PHF14: variants seen among roughly 807,000 people sequenced by gnomAD.
The protein encoded by PHF14 is PHD finger protein 14.
PHF14 carries 55 observed loss-of-function variants against 117.9 expected under a neutral mutation model. The ratio of observed to expected loss-of-function variants is 0.47; its 90% CI spans 0.38 to 0.58. PHF14 has a LOEUF of 0.58. Ranked by LOEUF, PHF14 falls within the 20% of genes least tolerant of loss-of-function variation. The pLI is 0.00. For missense variants in PHF14, 978 were observed against 1,122.2 expected (o/e 0.87, Z 1.84); for synonymous variants, 409 against 368.6 (o/e 1.11, Z -1.26).
At position 11,103,021 on chromosome 7, in the gene PHF14, TTC is replaced by T. The variant is rs1445525641; in HGVS notation, c.2655-8327_2655-8326del. ...GACAATGCATTCCATTAGTCTGCTA[TTC>T]TGTTTCCTTCAACTTCATACATAGA... is the stretch of plus-strand genomic sequence containing the variant. On this transcript the variant is annotated intron_variant, in intron 16 of 17. Transcript: ENST00000634607. The T allele has an allele frequency of 4.0e-6, 4 of 990,774 alleles. No homozygotes were observed. The Admixed American group carries it at 2.2e-4, about 56-fold the overall frequency. The allele number at this position is 990,774 out of a possible 1,614,324, so 61.4% of individuals were successfully genotyped here.
intron 2 of PHF14, among the ~76,000 whole-genome samples, chr7:10,977,217 A>G (rs1185336228): frequency 6.6e-6 from 1 of 152,072 alleles, no homozygotes; most frequent in Non-Finnish European, 1.5e-5. Context: ...ACTTACGAAT[A>G]GGAGATTAAA....
chr7:10,985,638 G>GTT (rs61250143), intron 3 of PHF14, among the ~76,000 whole-genome samples: 1,159 of 45,986 alleles, frequency 0.025, 328 homozygotes, highest in East Asian at 0.064. Context: ...TTCTCAAACT[G>GTT]TTTTTTTTTT....
chr7:10,986,057 C>T (rs1299216688), intron 3 of PHF14, among the ~76,000 whole-genome samples: 1 of 152,034 alleles, frequency 6.6e-6, no homozygotes, highest in Admixed American at 6.6e-5. Context: ...CAGCTTTGAT[C>T]TCCCAGGCTC....
At chr7:10,989,599 A>G (rs1377040361) in intron 3 of PHF14, among the ~76,000 whole-genome samples, 1 of 152,180 alleles carries the variant, frequency 6.6e-6, no homozygotes, top group Non-Finnish European at 1.5e-5. Context: ...CTGAAATTTT[A>G]TCTTTTAAAT....
At chr7:11,109,721 GAAC>G (rs889748437) in intron 16 of PHF14, 24 of 151,800 alleles carry the variant, frequency 1.6e-4, no homozygotes, top group African/African-American at 5.6e-4. Flanking sequence ...CTTAATGCCA[GAAC>G]AACAGGTATT....
chr7:11,076,064 G>A (rs1179109975), intron 16 of PHF14, among the ~76,000 whole-genome samples: 2 of 152,154 alleles, frequency 1.3e-5, no homozygotes, highest in Non-Finnish European at 2.9e-5. Context: ...GTGTGAACCC[G>A]GGAGGTGGAG....
At chr7:10,980,209 T>C (rs553387891) in intron 2 of PHF14, among the ~76,000 whole-genome samples, 41 of 152,244 alleles carry the variant, frequency 2.7e-4, no homozygotes, top group African/African-American at 9.6e-4. Context: ...TACTTTTGCG[T>C]CTATCGTGAA....
At chr7:11,026,924 T>C (rs1014068172) in intron 6 of PHF14, among the ~76,000 whole-genome samples, 3 of 152,136 alleles carry the variant, frequency 2.0e-5, no homozygotes, top group African/African-American at 7.2e-5. Context: ...ATGTTGTAAA[T>C]CATGACTGGG....
At chr7:11,075,998 G>T (rs909020167) in intron 16 of PHF14, among the ~76,000 whole-genome samples, 23 of 152,282 alleles carry the variant, frequency 1.5e-4, no homozygotes, top group African/African-American at 5.3e-4. Context: ...AATTAGCCGG[G>T]CATGGTGGCG....
chr7:11,091,339 G>GA (rs780236775), intron 16 of PHF14, among the ~76,000 whole-genome samples: 1 of 151,948 alleles, frequency 6.6e-6, no homozygotes, highest in Non-Finnish European at 1.5e-5. Flanking sequence ...AGTAGAAACA[G>GA]AAAAAAGATG....
intron 7 of PHF14, among the ~76,000 whole-genome samples, chr7:11,035,381 A>G (rs1241485649): frequency 6.6e-6 from 1 of 152,126 alleles, no homozygotes; most frequent in Admixed American, 6.5e-5. Context: ...CAAATAATAC[A>G]TTATATTTGA....
At chr7:11,011,862 T>G (rs1783368385) in intron 4 of PHF14, among the ~76,000 whole-genome samples, 1 of 152,196 alleles carries the variant, frequency 6.6e-6, no homozygotes. Context: ...GAAGTGTACT[T>G]CATTGTTGGT....
intron 5 of PHF14, among the ~76,000 whole-genome samples, chr7:11,022,527 A>G (rs866202352): frequency 3.3e-5 from 5 of 152,232 alleles, no homozygotes; most frequent in Middle Eastern, 3.4e-3. Context: ...TATGAAAATG[A>G]TGTTTTGTTT....
intron 16 of PHF14, among the ~76,000 whole-genome samples, chr7:11,086,697 A>G (rs1786422514): frequency 6.6e-6 from 1 of 152,230 alleles, no homozygotes; most frequent in Non-Finnish European, 1.5e-5. Context: ...ATTGTCAGAT[A>G]TTAATGGGAT....
intron 16 of PHF14, chr7:11,109,668 T>C (rs1787378114): frequency 6.6e-6 from 1 of 151,882 alleles, no homozygotes; most frequent in Non-Finnish European, 1.5e-5. Flanking sequence ...GCCAGTCTCT[T>C]TATGTCACAT....
At chr7:10,975,492 C>T (rs1258104765) in intron 2 of PHF14, among the ~76,000 whole-genome samples, 3 of 152,102 alleles carry the variant, frequency 2.0e-5, no homozygotes, top group African/African-American at 4.8e-5. Context: ...CATGCTTGCT[C>T]ACTATATTTA....
chr7:11,092,159 T>C (rs934602497), intron 16 of PHF14, among the ~76,000 whole-genome samples: 13 of 152,236 alleles, frequency 8.5e-5, no homozygotes, highest in African/African-American at 2.9e-4. Context: ...TTGTGGAATA[T>C]TTGTAATTTG....
chr7:10,989,583 C>A (rs1304107275), intron 3 of PHF14, among the ~76,000 whole-genome samples: 1 of 151,996 alleles, frequency 6.6e-6, no homozygotes, highest in Middle Eastern at 3.4e-3. Flanking sequence ...ACAAGCAGAC[C>A]CTCTTCTGAA....
intron 17 of PHF14, among the ~76,000 whole-genome samples, chr7:11,163,087 TTAAA>T (rs1789097068): frequency 1.3e-5 from 2 of 152,174 alleles, no homozygotes; most frequent in Non-Finnish European, 2.9e-5. Context: ...TGTTGCAGTA[TTAAA>T]TAAAGGGAGA....
Sources: gnomAD v4.1 joint callset for allele counts (sites outside exome capture counted in the v4.1 genomes callset) on GRCh38, gnomAD v4.1.1 for gene constraint, MANE v1.5 for transcripts, NCBI Gene and HGNC (gene_info 2026-07-23, HGNC 2026-07-21) for gene names.